The following NFIB variants were observed in gnomAD, a reference collection of about 807,000 sequenced individuals.
NFIB encodes nuclear factor 1 B-type.
In NFIB, 11 loss-of-function variants were observed where a neutral mutation model predicts 61.5. That is an observed-to-expected ratio of 0.18 (90% confidence interval 0.11 to 0.30). The LOEUF is 0.30. Among genes scored for constraint, NFIB ranks in the 10% least tolerant of loss-of-function variants. The probability of loss-of-function intolerance (pLI) is 1.00; values close to 1 mark genes in which losing one functional copy is unlikely to be tolerated. For missense variants in NFIB, 471 were observed against 608.9 expected (o/e 0.77, Z 2.38); for synonymous variants, 260 against 216.5 (o/e 1.20, Z -1.76).
At chr9:14,411,341 A>T in the NFIB span, among the ~76,000 whole-genome samples, 5 of 152,304 alleles carry the variant, frequency 3.3e-5, no homozygotes, top group Non-Finnish European at 7.3e-5. Flanking sequence ...TATGACCCAT[A>T]CAATTTGTCG....
chr9:14,107,225 T>A (rs941082257), intron 10 of NFIB, among the ~76,000 whole-genome samples: 1 of 151,786 alleles, frequency 6.6e-6, no homozygotes, highest in East Asian at 1.9e-4. Flanking sequence ...GGTCTCTGGA[T>A]GAATAGCATG....
At chr9:14,376,708 G>C (rs888627365) in intron 1 of NFIB, among the ~76,000 whole-genome samples, 18 of 152,032 alleles carry the variant, frequency 1.2e-4, no homozygotes, top group African/African-American at 4.1e-4. Context: ...GGTAGAGACA[G>C]GGTTTCACCA....
At chr9:14,358,323 T>C (rs1477131474) in intron 1 of NFIB, among the ~76,000 whole-genome samples, 3 of 151,986 alleles carry the variant, frequency 2.0e-5, no homozygotes, top group African/African-American at 4.8e-5. Flanking sequence ...AAAAAGGCTG[T>C]TCGTTTCTTT....
chr9:14,503,531 G>A, the NFIB span, among the ~76,000 whole-genome samples: 1 of 152,138 alleles, frequency 6.6e-6, no homozygotes, highest in Admixed American at 6.5e-5. Flanking sequence ...TCTTGCAGGA[G>A]TAAGATGGTA....
intron 6 of NFIB, 117 bp downstream of exon 6, chr9:14,146,572 T>A (rs1587013031): frequency 2.8e-6 from 4 of 1,422,374 alleles, no homozygotes; most frequent in Non-Finnish European, 3.9e-6. Flanking sequence ...AGGAATCATT[T>A]TATGAAAAAA....
At chr9:14,130,964 C>G (rs2040332350) in intron 6 of NFIB, among the ~76,000 whole-genome samples, 1 of 152,062 alleles carries the variant, frequency 6.6e-6, no homozygotes, top group Non-Finnish European at 1.5e-5. Flanking sequence ...AGATGCCAAA[C>G]AAAACCACGT....
chr9:14,390,301 A>G (rs1243141893), intron 1 of NFIB, among the ~76,000 whole-genome samples: 3 of 152,216 alleles, frequency 2.0e-5, no homozygotes, highest in Non-Finnish European at 4.4e-5. Context: ...CCTTATATAT[A>G]AAATGGAGAA....
intron 2 of NFIB, among the ~76,000 whole-genome samples, chr9:14,274,825 G>T (rs146064056): frequency 6.6e-6 from 1 of 152,144 alleles, no homozygotes; most frequent in Non-Finnish European, 1.5e-5. Context: ...GACAACCATC[G>T]TTTGGAAACA....
chr9:14,435,448 G>A, the NFIB span, among the ~76,000 whole-genome samples: 1 of 152,176 alleles, frequency 6.6e-6, no homozygotes, highest in Admixed American at 6.5e-5. Context: ...GGCAACTTGG[G>A]CTGCTTATTA....
chr9:14,512,600 G>A, the NFIB span, among the ~76,000 whole-genome samples: 1 of 152,002 alleles, frequency 6.6e-6, no homozygotes, highest in Non-Finnish European at 1.5e-5. Context: ...AATAAAAAAC[G>A]TAATAAGTCC....
intron 2 of NFIB, among the ~76,000 whole-genome samples, chr9:14,188,590 A>C (rs549862160): frequency 2.1e-4 from 32 of 152,264 alleles, no homozygotes; most frequent in Non-Finnish European, 4.7e-4. Context: ...AGAGGGTTGT[A>C]AGATTTATAA....
At chr9:14,101,264 C>T (rs1468534776) in intron 10 of NFIB, among the ~76,000 whole-genome samples, 3 of 151,868 alleles carry the variant, frequency 2.0e-5, no homozygotes, top group Non-Finnish European at 4.4e-5. Flanking sequence ...AAAATGTATA[C>T]CTTTTAAAAG....
chr9:14,350,893 G>T (rs1331781193), intron 1 of NFIB, among the ~76,000 whole-genome samples: 1 of 152,134 alleles, frequency 6.6e-6, no homozygotes, highest in Non-Finnish European at 1.5e-5. Context: ...TGTTTCGACA[G>T]GCGGTGCTGC....
At chr9:14,427,943 T>TTTTTTGTTG in the NFIB span, among the ~76,000 whole-genome samples, 2 of 76,402 alleles carry the variant, frequency 2.6e-5, no homozygotes, top group African/African-American at 1.5e-4. Context: ...AGTTGTTTTT[T>TTTTTTGTTG]TTTTTTTTTT....
intron 2 of NFIB, among the ~76,000 whole-genome samples, chr9:14,269,800 T>C (rs905278402): frequency 3.3e-5 from 5 of 152,142 alleles, no homozygotes; most frequent in African/African-American, 1.2e-4. Context: ...AGCTTCAATC[T>C]TATGCTAACA....
intron 6 of NFIB, among the ~76,000 whole-genome samples, chr9:14,145,650 C>T (rs1435393401): frequency 1.6e-5 from 2 of 125,916 alleles, no homozygotes; most frequent in African/African-American, 5.8e-5. Context: ...TTCTTTTAGA[C>T]TTTTTTTTTT....
intron 6 of NFIB, among the ~76,000 whole-genome samples, chr9:14,138,153 A>C (rs2041281525): frequency 6.6e-6 from 1 of 152,126 alleles, no homozygotes; most frequent in South Asian, 2.1e-4. Flanking sequence ...TCAGTTTAGT[A>C]AGCTGTAAAA....
At chr9:14,150,408 A>C (rs1463100885) in intron 4 of NFIB, 143 bp from the exon 5 acceptor site, 1 of 1,388,956 alleles carries the variant, frequency 7.2e-7, no homozygotes, top group East Asian at 2.3e-5. Context: ...CCCACCATAC[A>C]ACCTGGGTAG....
intron 4 of NFIB, among the ~76,000 whole-genome samples, chr9:14,154,163 T>A (rs2043142237): frequency 6.6e-6 from 1 of 152,180 alleles, no homozygotes; most frequent in Non-Finnish European, 1.5e-5. Context: ...TATCTGGGCT[T>A]TTGAAGGTTC....
Sources: gnomAD v4.1 joint callset for allele counts (sites outside exome capture counted in the v4.1 genomes callset) on GRCh38, gnomAD v4.1.1 for gene constraint, MANE v1.5 for transcripts, NCBI Gene and HGNC (gene_info 2026-07-23, HGNC 2026-07-21) for gene names.